The following TSHR variants were observed in gnomAD, a reference collection of about 807,000 sequenced individuals.
TSHR encodes the protein thyroid stimulating hormone receptor, also known as thyrotropin receptor.
TSHR carries 51 observed loss-of-function variants against 64.1 expected under a neutral mutation model. That is an observed-to-expected ratio of 0.80 (90% CI 0.64 to 1.01). The LOEUF is 1.01. Ranked by LOEUF, TSHR falls within the 50% of genes least tolerant of loss-of-function variation. TSHR has a pLI of 0.00. For missense variants in TSHR, 877 were observed against 942.8 expected, an observed-to-expected ratio of 0.93 and a Z score of 0.91; for synonymous variants, 361 against 361.9, an observed-to-expected ratio of 1.00 and a Z score of 0.03.
At chr14:81,121,398 G>A (rs1211237185) in intron 8 of TSHR, among the ~76,000 whole-genome samples, 1 of 152,100 alleles carries the variant, frequency 6.6e-6, no homozygotes, top group Non-Finnish European at 1.5e-5. Context: ...TACCAATCAA[G>A]TATGATTGAT....
At chr14:81,064,041 T>C (rs1220959701) in intron 2 of TSHR, among the ~76,000 whole-genome samples, 1 of 152,148 alleles carries the variant, frequency 6.6e-6, no homozygotes, top group Non-Finnish European at 1.5e-5. Context: ...TTGTAAATCA[T>C]GTGAAGGAGT....
At chr14:81,129,184 C>A (rs1201220633) in intron 8 of TSHR, among the ~76,000 whole-genome samples, 1 of 152,146 alleles carries the variant, frequency 6.6e-6, no homozygotes, top group Non-Finnish European at 1.5e-5. Context: ...ACAAAGCCTC[C>A]ATAACCTTAA....
intron 1 of TSHR, 37 bp downstream of exon 1, chr14:80,955,887 A>T: frequency 6.2e-7 from 1 of 1,613,820 alleles, no homozygotes; most frequent in Non-Finnish European, 8.5e-7. Context: ...GGACCCAGAG[A>T]TCAAGGGCAT....
chr14:81,017,829 CTT>C (rs58604814), intron 1 of TSHR, among the ~76,000 whole-genome samples: 47 of 136,962 alleles, frequency 3.4e-4, no homozygotes, highest in Admixed American at 6.6e-4. Flanking sequence ...ATTGTATAAT[CTT>C]TTTTTTTTTT....
intron 8 of TSHR, among the ~76,000 whole-genome samples, chr14:81,132,471 C>CT (rs985258135): frequency 2.6e-5 from 4 of 152,056 alleles, no homozygotes; most frequent in Admixed American, 6.6e-5. Context: ...GTAGTTAGCT[C>CT]TTTTTTTTCC....
intron 8 of TSHR, among the ~76,000 whole-genome samples, chr14:81,114,164 G>C (rs956021735): frequency 6.6e-6 from 1 of 150,458 alleles, no homozygotes; most frequent in Admixed American, 6.6e-5. Context: ...AAGTATCACT[G>C]GGGGGGAGGA....
At chr14:81,009,870 G>T (rs1158230633) in intron 1 of TSHR, among the ~76,000 whole-genome samples, 1 of 152,066 alleles carries the variant, frequency 6.6e-6, no homozygotes, top group Non-Finnish European at 1.5e-5. Context: ...CGTCAACTGT[G>T]CCAGTTGTGG....
chr14:81,052,906 T>C (rs1271317143), intron 1 of TSHR: 1 of 152,160 alleles, frequency 6.6e-6, no homozygotes, highest in Admixed American at 6.6e-5. Context: ...TACTGAATTT[T>C]ATTCATCAGT....
intron 1 of TSHR, chr14:80,993,004 C>T (rs905047429): frequency 6.6e-6 from 1 of 152,112 alleles, no homozygotes; most frequent in Non-Finnish European, 1.5e-5. Flanking sequence ...CAGGTGACTC[C>T]ATCTAATAGG....
chr14:81,140,666 C>A (rs1891645199), intron 9 of TSHR, among the ~76,000 whole-genome samples: 1 of 152,156 alleles, frequency 6.6e-6, no homozygotes, highest in Non-Finnish European at 1.5e-5. Context: ...CCCATTGTGT[C>A]TTGTACAATC....
At chr14:81,026,563 C>A (rs774566453) in intron 1 of TSHR, among the ~76,000 whole-genome samples, 6 of 151,970 alleles carry the variant, frequency 3.9e-5, no homozygotes, top group South Asian at 2.1e-4. Context: ...AACTTGTGAC[C>A]AAAGTTATCT....
intron 1 of TSHR, among the ~76,000 whole-genome samples, chr14:81,046,987 T>TA (rs1236071550): frequency 6.6e-6 from 1 of 152,176 alleles, no homozygotes; most frequent in Non-Finnish European, 1.5e-5. Context: ...ATATTAAAAG[T>TA]AAAAATACTT....
chr14:81,093,297 C>T (rs1888900787), intron 6 of TSHR, among the ~76,000 whole-genome samples: 1 of 152,170 alleles, frequency 6.6e-6, no homozygotes, highest in Non-Finnish European at 1.5e-5. Flanking sequence ...AAAGTAGATG[C>T]TTAATTAGGG....
intron 8 of TSHR, among the ~76,000 whole-genome samples, chr14:81,129,939 T>C (rs552827284): frequency 2.0e-5 from 3 of 152,304 alleles, no homozygotes; most frequent in African/African-American, 7.2e-5. Flanking sequence ...TGTATAAACA[T>C]GCTGTAGTTT....
At chr14:81,100,482 T>A (rs1415403481) in intron 7 of TSHR, among the ~76,000 whole-genome samples, 2 of 152,186 alleles carry the variant, frequency 1.3e-5, no homozygotes, top group Non-Finnish European at 2.9e-5. Flanking sequence ...CAGCTGGATG[T>A]CCTACAATTT....
At chr14:81,067,483 T>TTTTATATATATATA (rs1555376189) in intron 2 of TSHR, among the ~76,000 whole-genome samples, 4 of 134,976 alleles carry the variant, frequency 3.0e-5, no homozygotes, top group African/African-American at 1.2e-4. Context: ...GTTTATAGTT[T>TTTTATATATATATA]TATATATATA....
chr14:81,130,239 C>T (rs1891180598), intron 8 of TSHR, among the ~76,000 whole-genome samples: 1 of 152,286 alleles, frequency 6.6e-6, no homozygotes, highest in South Asian at 2.1e-4. Context: ...TTATCTGTGT[C>T]TTTTTGCAGC....
chr14:81,138,007 A>G (rs529486826), intron 8 of TSHR, among the ~76,000 whole-genome samples: 1 of 152,284 alleles, frequency 6.6e-6, no homozygotes, highest in Admixed American at 6.5e-5. Context: ...ACATGCCTCA[A>G]AAAGGACGGA....
chr14:81,024,043 T>C (rs1386863052), intron 1 of TSHR, among the ~76,000 whole-genome samples: 2 of 152,192 alleles, frequency 1.3e-5, no homozygotes, highest in Admixed American at 1.3e-4. Flanking sequence ...TGGGAACTCA[T>C]CTGCTGCCTA....
Sources: allele counts gnomAD v4.1 joint callset (sites outside exome capture counted in the v4.1 genomes callset), GRCh38; gene constraint gnomAD v4.1.1; transcripts MANE v1.5; gene names NCBI Gene and HGNC (gene_info 2026-07-23, HGNC 2026-07-21).